Variants in PTPN5 observed in about 807,000 individuals in gnomAD.
PTPN5 encodes tyrosine-protein phosphatase non-receptor type 5.
A neutral mutation model predicts 73.9 loss-of-function variants in PTPN5; 29 were observed. The ratio of observed to expected loss-of-function variants is 0.39; its 90% CI spans 0.29 to 0.54. The LOEUF (loss-of-function observed/expected upper bound fraction) is 0.54. Among genes scored for constraint, PTPN5 ranks in the 20% least tolerant of loss-of-function variants. PTPN5 has a pLI of 0.65. For synonymous variants in PTPN5, 267 were observed against 304.7 expected (o/e 0.88, Z 1.29); for missense variants, 652 against 751.4 (o/e 0.87, Z 1.55).
Position 18,727,985 on chromosome 11 carries a change from T to G in PTPN5, c.*949A>C, listed in dbSNP as rs1045398406. The stretch of plus-strand genomic sequence containing the variant: ...CTATTCAATGACCACGAGCGAATTA[T>G]AAAAAGACACCAAATGTCTCTGTCT... On this transcript the variant is annotated 3_prime_UTR_variant, in exon 15 of 15. Coordinates refer to ENST00000358540, the MANE Select transcript of PTPN5 (RefSeq NM_006906.2). The G allele has an allele frequency of 6.6e-6, 1 of 152,600 alleles. No individual in the cohort carries two copies. Among genetic ancestry groups the G allele is most frequent in the Non-Finnish European group, 1.5e-5 (1 of 68,038 alleles). 9.5% of individuals were successfully genotyped at this position (152,600 alleles called of 1,614,324 possible). A position where few individuals can be genotyped will look rare whatever the true frequency, so the allele number is the denominator to read the frequency against.
chr11:18,791,553 A>G lies in PTPN5; in HGVS notation c.-142T>C, dbSNP rs1851930451. ...CCAGAGCGGGCTCCGGGCGCCGGCGAGCAGGCGGGCAGGCTGGCGGGAGGA... is the reference window on the plus strand; with the variant it reads ...CCAGAGCGGGCTCCGGGCGCCGGCGGGCAGGCGGGCAGGCTGGCGGGAGGA... On this transcript the variant is annotated 5_prime_UTR_variant, in exon 1 of 15. Coordinates refer to ENST00000358540, the MANE Select transcript of PTPN5 (RefSeq NM_006906.2). The G allele has an allele frequency of 6.5e-6, 1 of 153,330 alleles. No homozygotes were observed. 9.5% of individuals were successfully genotyped at this position (153,330 alleles called of 1,614,324 possible).
At chr11:18,730,107 A>G (rs1450721483) in intron 12 of PTPN5, 2 of 532,378 alleles carry the variant, frequency 3.8e-6, no homozygotes, top group Non-Finnish European at 6.6e-6. Context: ...TCTCCAATTT[A>G]TTACTATCTC....
At position 18,733,519 on chromosome 11, in the gene PTPN5, C is replaced by T; in HGVS notation, c.1080+37G>A. The T allele has an allele frequency of 6.2e-7, 1 of 1,612,292 alleles. No individual in the cohort carries two copies. Among genetic ancestry groups the T allele is most frequent in the Non-Finnish European group, 8.5e-7 (1 of 1,178,342 alleles). Reference sequence around the variant, plus strand: ...GATGGATCCCATCGACTCAGGCCTCCCCTTGAGCAAGAGGCCGTCAGGGTG... The same window carrying T: ...GATGGATCCCATCGACTCAGGCCTCTCCTTGAGCAAGAGGCCGTCAGGGTG... On this transcript the variant is annotated intron_variant, in intron 10 of 14. Transcript: ENST00000358540. This position sits in a 1 kb window ranked among gnomAD's most constrained non-coding sequence, Gnocchi z 4.3.
At chr11:18,738,696 G>T (rs968490825) in intron 8 of PTPN5, among the ~76,000 whole-genome samples, 1 of 152,050 alleles carries the variant, frequency 6.6e-6, no homozygotes, top group Non-Finnish European at 1.5e-5. Flanking sequence ...ACCTCTGCCC[G>T]GGCGCGGTGG....
chr11:18,733,321 T>G lies in PTPN5; in HGVS notation c.1132A>C (p.Ser378Arg). 1 of 1,614,180 alleles carries G rather than the reference T, an allele frequency of 6.2e-7. No individual in the cohort carries two copies. Among genetic ancestry groups the G allele is most frequent in the South Asian group, 1.1e-5 (1 of 91,092 alleles). The change falls in exon 11 of 15, where the codon AGC (serine) becomes CGC (arginine). Residue 378 changes from serine to arginine, a missense_variant. Ser to Arg is a moderately radical substitution (Grantham distance 110). This residue lies in a region of PTPN5 where 529 missense variants were observed against 573.9 expected (regional missense o/e 0.92). Coordinates refer to ENST00000358540, the MANE Select transcript of PTPN5 (RefSeq NM_006906.2). The surrounding 1 kb of genome is among the most constrained non-coding windows in gnomAD (Gnocchi z 4.3). ...ATGCGCCAGAAGTCGGCGACCGTGC[T>G]GACGATGGGTCCCTGAGTGGCGATG... is the stretch of plus-strand genomic sequence containing the variant. ...VYIATQGPIV[S>R]TVADFWRMVW... is the part of the protein sequence containing the mutation.
chr11:18,764,014 C>T (rs1383644955), intron 3 of PTPN5, among the ~76,000 whole-genome samples: 2 of 152,196 alleles, frequency 1.3e-5, no homozygotes, highest in African/African-American at 2.4e-5. Flanking sequence ...GTGGTGCCAT[C>T]CCTGATTGTA....
At chr11:18,750,841 C>T (rs890667308) in intron 3 of PTPN5, among the ~76,000 whole-genome samples, 20 of 152,188 alleles carry the variant, frequency 1.3e-4, no homozygotes, top group African/African-American at 4.6e-4. Context: ...ATCACATAGC[C>T]AGGCAGTGAC....
At chr11:18,739,166 C>T (rs1467660395) in intron 8 of PTPN5, among the ~76,000 whole-genome samples, 1 of 152,126 alleles carries the variant, frequency 6.6e-6, no homozygotes, top group East Asian at 1.9e-4. Context: ...TGAGGATCAT[C>T]ACACTTTCCA....
At chr11:18,730,274 T>A in intron 12 of PTPN5, 1 of 278,546 alleles carries the variant, frequency 3.6e-6, no homozygotes. Flanking sequence ...TTACCACCTC[T>A]TCACACTCCC....
At chr11:18,769,505 G>A (rs781115450) in intron 2 of PTPN5, among the ~76,000 whole-genome samples, 1 of 152,196 alleles carries the variant, frequency 6.6e-6, no homozygotes, top group Non-Finnish European at 1.5e-5. Context: ...CCCGGTTCAA[G>A]TGATTCTCCT....
At chr11:18,759,143 A>G (rs934276570) in intron 3 of PTPN5, among the ~76,000 whole-genome samples, 1 of 152,208 alleles carries the variant, frequency 6.6e-6, no homozygotes, top group African/African-American at 2.4e-5. Context: ...AGCCCCAGGC[A>G]CAGGAACACA....
intron 3 of PTPN5, among the ~76,000 whole-genome samples, chr11:18,758,192 G>A (rs1301611617): frequency 3.3e-5 from 5 of 152,186 alleles, no homozygotes; most frequent in African/African-American, 1.2e-4. Context: ...ATCAAGAGGT[G>A]GCATTTACTT....
chr11:18,737,675 A>T (rs1418487193), intron 9 of PTPN5, among the ~76,000 whole-genome samples: 1 of 152,138 alleles, frequency 6.6e-6, no homozygotes, highest in Non-Finnish European at 1.5e-5. Flanking sequence ...AGGGCAAAGG[A>T]CCAGAGAGTG....
In PTPN5 at chr11:18,790,727, G is replaced by A. The variant is rs1468727875; in HGVS notation, c.-114+798C>T. ...TTTTGGGGTTCTGGGGCTTCAATGT[G>A]GGTGGGATCTAGTTGTGTAGGAGGG... On this transcript the variant is annotated intron_variant, in intron 1 of 14. Coordinates refer to ENST00000358540, the MANE Select transcript of PTPN5 (RefSeq NM_006906.2). Among the ~76,000 whole-genome samples, 49 of 152,112 alleles carry A rather than the reference G, an allele frequency of 3.2e-4. 2 individuals are homozygous for A. Among genetic ancestry groups the A allele is most frequent in the Admixed American group, 3.2e-3 (49 of 15,274 alleles).
At position 18,765,643 on chromosome 11, in the gene PTPN5, T is replaced by C. The variant is rs1192195243; in HGVS notation, c.97+164A>G. Among the ~76,000 whole-genome samples, 8 of 152,242 alleles carry C rather than the reference T, an allele frequency of 5.3e-5. No homozygotes were observed. In the East Asian group the frequency reaches 1.5e-3, roughly 29 times the overall value. ...ATAACAGGTCAGAAGGCATCAGGGA[T>C]TAGAAAAACAAGTCCCCATTTAAAC... On this transcript the variant is annotated intron_variant, in intron 3 of 14. Coordinates refer to ENST00000358540, the MANE Select transcript of PTPN5 (RefSeq NM_006906.2).
intron 3 of PTPN5, 136 bp from the exon 4 acceptor site, chr11:18,744,335 T>C: frequency 1.6e-6 from 1 of 635,584 alleles, no homozygotes; most frequent in Non-Finnish European, 2.4e-6. Context: ...GCAGTCACCC[T>C]CGATTAGCAA....
At chr11:18,732,384 T>C (rs1848919468) in intron 12 of PTPN5, among the ~76,000 whole-genome samples, 1 of 152,200 alleles carries the variant, frequency 6.6e-6, no homozygotes, top group Admixed American at 6.5e-5. Flanking sequence ...GAAATGTAAC[T>C]GAGGACTGGG....
intron 3 of PTPN5, among the ~76,000 whole-genome samples, chr11:18,765,170 T>TTA (rs1850585506): frequency 6.6e-6 from 1 of 152,156 alleles, no homozygotes; most frequent in South Asian, 2.1e-4. Context: ...CAATAAAAAC[T>TTA]TATAAAAAAA....
Position 18,765,885 on chromosome 11 carries a change from T to C in PTPN5, c.21-2A>G, listed in dbSNP as rs201059008. ...GCAGCGTGGTTCTCTCTCTCACTCC[T>C]GCAGCAGGATGGAAAAGGTAAGAAT... is the stretch of plus-strand genomic sequence containing the variant. On this transcript the variant is annotated splice_acceptor_variant, in intron 2 of 14. Transcript: ENST00000358540. LOFTEE classifies it high-confidence loss of function. The C allele has an allele frequency of 1.3e-6, 2 of 1,567,390 alleles. No homozygotes were observed. Among genetic ancestry groups the C allele is most frequent in the South Asian group, 1.2e-5 (1 of 85,202 alleles).
Sources: allele counts gnomAD v4.1 joint callset (sites outside exome capture counted in the v4.1 genomes callset), GRCh38; gene constraint gnomAD v4.1.1; regional missense constraint gnomAD v4.1.1; non-coding constraint Gnocchi (gnomAD v3.1); transcripts MANE v1.5; gene names NCBI Gene and HGNC (gene_info 2026-07-23, HGNC 2026-07-21).